Variants in TSC2 observed in about 807,000 individuals in gnomAD.
TSC2 encodes TSC complex subunit 2, also known as tuberin.
TSC2 carries 29 observed loss-of-function variants against 202.2 expected under a neutral mutation model. That is an observed-to-expected ratio of 0.14 (90% CI 0.11 to 0.20). The LOEUF (loss-of-function observed/expected upper bound fraction) is 0.20, where lower values mean the gene tolerates loss of function less well. Ranked by LOEUF, TSC2 falls within the 10% of genes least tolerant of loss-of-function variation. TSC2 has a pLI of 1.00. For missense variants in TSC2, 2,429 were observed against 2,420.0 expected (o/e 1.00, Z -0.08); for synonymous variants, 1,349 against 1,044.0 (o/e 1.29, Z -5.63).
intron 13 of TSC2, 184 bp from the exon 14 acceptor site, chr16:2,062,788 G>A (rs1056107679): frequency 1.1e-6 from 1 of 883,848 alleles, no homozygotes; most frequent in Non-Finnish European, 1.8e-6. Context: ...CTCTCATGAC[G>A]CCACTGGGCT....
At chr16:2,078,731 T>G in intron 26 of TSC2, 1 of 470,066 alleles carries the variant, frequency 2.1e-6, no homozygotes, top group Non-Finnish European at 3.9e-6. Context: ...CTACACCGTT[T>G]CGCCAGGAGG....
At chr16:2,069,024 C>G (rs563971665) in intron 16 of TSC2, among the ~76,000 whole-genome samples, 4 of 152,170 alleles carry the variant, frequency 2.6e-5, no homozygotes, top group African/African-American at 4.8e-5. Flanking sequence ...CTTGCTCTCT[C>G]GGGTGGGAGA....
chr16:2,087,578 A>G (rs1241265184), intron 38 of TSC2, among the ~76,000 whole-genome samples: 2 of 151,060 alleles, frequency 1.3e-5, no homozygotes, highest in Non-Finnish European at 2.9e-5. Context: ...ACGGATTCGG[A>G]CGTGTGGCTG....
At chr16:2,048,178 A>T in intron 1 of TSC2, 113 bp downstream of exon 1, 1 of 1,535,938 alleles carries the variant, frequency 6.5e-7, no homozygotes, top group Admixed American at 2.0e-5. Context: ...CTGCAACCCG[A>T]CTCCGGAGCT....
At position 2,064,280 on chromosome 16, in the gene TSC2, G is replaced by A. The variant is rs2087007660; in HGVS notation, c.1452G>A (p.Leu484=). 6.2e-7 allele frequency: 1 copy of A among 1,613,960 alleles called. No homozygotes were observed. The highest frequency in any genetic ancestry group is 8.5e-7 in the Non-Finnish European group (1 of 1,180,040). ...CCCTTGTGCCTGTGCAGGAGGAGCT[G>A]ATTAACTCAGTGGTCATCTCGCAGC... ...LINRQFYEEE[L]INSVVISQLS... The change falls in exon 15 of 42, where the codon CTG becomes CTA. Residue 484 remains leucine, a synonymous_variant. Coordinates refer to ENST00000219476, the MANE Select transcript of TSC2 (RefSeq NM_000548.5).
intron 2 of TSC2, among the ~76,000 whole-genome samples, chr16:2,049,850 G>GT (rs2084877932): frequency 6.6e-6 from 1 of 150,868 alleles, no homozygotes; most frequent in South Asian, 2.1e-4. Flanking sequence ...GTTTGAAATT[G>GT]TATTTCATGT....
rs1162436739 is a variant in TSC2 at position 2,084,368 on chromosome 16, G to A, written c.4146G>A (p.Leu1382=). 1 of 1,612,482 alleles carries A rather than the reference G, an allele frequency of 6.2e-7. No homozygotes were observed. Among genetic ancestry groups the A allele is most frequent in the Non-Finnish European group, 8.5e-7 (1 of 1,179,968 alleles). Residue 1382 remains leucine, a synonymous_variant, in exon 34 of 42, where the codon CTG becomes CTA. Transcript: ENST00000219476. ...VDLSFQPSQP[L]SKSSSSPELQ... ...TCTCCTTCCAGCCCTCGCAGCCCCTGAGCAAGTCCAGCTCCTCTCCCGAGC... is the reference window on the plus strand; with the variant it reads ...TCTCCTTCCAGCCCTCGCAGCCCCTAAGCAAGTCCAGCTCCTCTCCCGAGC...
chr16:2,062,846 C>T (rs1482386071), intron 13 of TSC2, 126 bp from the exon 14 acceptor site: 2 of 1,113,000 alleles, frequency 1.8e-6, no homozygotes, highest in East Asian at 2.6e-5. Context: ...GGAAGCAGAG[C>T]TCTGTGCCCT....
chr16:2,072,425 C>T (rs188682337), intron 20 of TSC2, 62 bp downstream of exon 20: 67 of 1,605,324 alleles, frequency 4.2e-5, no homozygotes, highest in African/African-American at 9.4e-5. Context: ...CAAAAGACTG[C>T]GAGCCTCTGG....
chr16:2,059,879 T>G lies in TSC2; in HGVS notation c.976-791T>G, dbSNP rs375171860. ...TTTCACCATGTTGGTCAGGCTGGTC[T>G]TGAACTCCTGACCTCAGGTGATCCA... On this transcript the variant is annotated intron_variant, in intron 10 of 41. Transcript: ENST00000219476. Among the ~76,000 whole-genome samples the G allele has an allele frequency of 2.6e-5, 4 of 152,200 alleles. No homozygotes were observed. The East Asian group carries it at 5.8e-4, about 22-fold the overall frequency.
intron 7 of TSC2, 121 bp downstream of exon 7, chr16:2,056,365 C>G: frequency 7.3e-7 from 1 of 1,369,244 alleles, no homozygotes; most frequent in Non-Finnish European, 1.0e-6. Context: ...GCTGCTCGGT[C>G]TCTCTGAGCC....
At chr16:2,060,404 G>A (rs959601155) in intron 10 of TSC2, among the ~76,000 whole-genome samples, 1 of 152,190 alleles carries the variant, frequency 6.6e-6, no homozygotes, top group Non-Finnish European at 1.5e-5. Flanking sequence ...TGGCCCACCG[G>A]GTGCCCAGGA....
intron 37 of TSC2, 134 bp from the exon 38 acceptor site, chr16:2,086,598 A>G: frequency 2.7e-6 from 4 of 1,454,824 alleles, no homozygotes; most frequent in Non-Finnish European, 3.7e-6. Flanking sequence ...GCCGAGGACC[A>G]CTGGCCAGGC....
chr16:2,083,576 TG>T, intron 32 of TSC2, 118 bp from the exon 33 acceptor site: 1 of 1,511,350 alleles, frequency 6.6e-7, no homozygotes. Flanking sequence ...AGCAGAGCCC[TG>T]GGGAGGCTCG....
intron 18 of TSC2, 29 bp from the exon 19 acceptor site, chr16:2,071,755 G>A (rs998607231): frequency 2.5e-6 from 4 of 1,602,042 alleles, no homozygotes; most frequent in Middle Eastern, 1.7e-4. Context: ...GCGGGGACTT[G>A]GCCTCAGCTG....
chr16:2,062,050 TG>T (rs781165667), intron 12 of TSC2, 42 bp downstream of exon 12: 1 of 1,612,976 alleles, frequency 6.2e-7, no homozygotes, highest in South Asian at 1.1e-5. Flanking sequence ...CTTTGGCTGG[TG>T]GGGAGGGGCC....
At chr16:2,056,457 C>A (rs2085835810) in intron 7 of TSC2, among the ~76,000 whole-genome samples, 187 bp from the exon 8 acceptor site, 1 of 152,228 alleles carries the variant, frequency 6.6e-6, no homozygotes, top group Non-Finnish European at 1.5e-5. Flanking sequence ...GCATCAATGA[C>A]CCACAGTGAC....
intron 40 of TSC2, 21 bp downstream of exon 40, chr16:2,088,160 G>A (rs2151624766): frequency 6.2e-7 from 1 of 1,613,032 alleles, no homozygotes; most frequent in Admixed American, 1.7e-5. Context: ...GTGGGTCCAG[G>A]CGTGAGCTGG....
intron 3 of TSC2, among the ~76,000 whole-genome samples, chr16:2,050,739 G>A (rs2516738): frequency 5.4e-4 from 82 of 151,502 alleles, no homozygotes; most frequent in Non-Finnish European, 8.0e-4. Context: ...TTACAGGCAC[G>A]CGCCACCACA....
Sources: gnomAD v4.1 joint callset for allele counts (sites outside exome capture counted in the v4.1 genomes callset) on GRCh38, gnomAD v4.1.1 for gene constraint, MANE v1.5 for transcripts, NCBI Gene and HGNC (gene_info 2026-07-23, HGNC 2026-07-21) for gene names.